Variants in NPIPB15 observed in about 807,000 individuals in gnomAD.
NPIPB15 encodes the protein nuclear pore complex interacting protein family member B15, also known as nuclear pore complex-interacting protein family member B15.
In NPIPB15, 5 loss-of-function variants were observed where a neutral mutation model predicts 35.9. The observed-to-expected ratio is 0.14, with a 90% CI of 0.07 to 0.29. The LOEUF is 0.29. NPIPB15 is among the 10% of genes least tolerant of loss of function. NPIPB15 has a pLI of 1.00. For synonymous variants in NPIPB15, 43 were observed against 182.0 expected (o/e 0.24, Z 6.15); for missense variants, 100 against 506.1 (o/e 0.20, Z 7.70).
At position 74,376,798 on chromosome 16, in the gene NPIPB15, T is replaced by C. The variant is rs1346149437; in HGVS notation, c.-571T>C. Among the ~76,000 whole-genome samples the C allele has an allele frequency of 6.7e-6, 1 of 149,560 alleles. No individual in the cohort carries two copies. Among genetic ancestry groups the C allele is most frequent in the African/African-American group, 2.4e-5 (1 of 40,964 alleles). ...ATTTTATTGCCATGTTATGATCTCA[T>C]CATTGAGTTGAAAGGCAATCTTGTT... On this transcript the variant is annotated 5_prime_UTR_variant, in exon 1 of 8. Coordinates refer to ENST00000692376, the MANE Select transcript of NPIPB15 (RefSeq NM_001306094.2).
intron 3 of NPIPB15, among the ~76,000 whole-genome samples, chr16:74,384,811 A>AGT (rs2012178212): frequency 8.6e-5 from 13 of 151,114 alleles, no homozygotes; most frequent in Non-Finnish European, 1.6e-4. Context: ...CCTCCCGACT[A>AGT]GCTGGGATTA....
At chr16:74,384,991 TTGTGTGTGTGTGTG>T (rs199888896) in intron 3 of NPIPB15, among the ~76,000 whole-genome samples, 221 of 93,472 alleles carry the variant, frequency 2.4e-3, no homozygotes, top group African/African-American at 5.3e-3. Context: ...CATGTCATTC[TTGTGTGTGTGTGTG>T]TGTGTGTGTG....
At chr16:74,377,702 C>A (rs571594293) in intron 1 of NPIPB15, among the ~76,000 whole-genome samples, 84 of 149,120 alleles carry the variant, frequency 5.6e-4, no homozygotes, top group African/African-American at 1.9e-3. Flanking sequence ...TTCCCAGACC[C>A]CTTTCTTCTC....
In NPIPB15 at chr16:74,381,718, G is replaced by A; in HGVS notation, c.249+20G>A. On this transcript the variant is annotated intron_variant, in intron 3 of 7. Transcript: ENST00000692376. The stretch of plus-strand genomic sequence containing the variant: ...CTTTGTGTGAGTATACTAACTTTCT[G>A]TAGAGGTATACTTGTAATCACAAAT... 6.3e-7 allele frequency: 1 copy of A among 1,582,458 alleles called. No individual in the cohort carries two copies. Among genetic ancestry groups the A allele is most frequent in the East Asian group, 2.3e-5 (1 of 44,426 alleles).
Position 74,381,766 on chromosome 16 carries a change from T to A in NPIPB15, c.249+68T>A, listed in dbSNP as rs1197768724. 6 of 1,423,626 alleles carry A rather than the reference T, an allele frequency of 4.2e-6. No homozygotes were observed. In the Admixed American group the frequency reaches 1.0e-4, roughly 24 times the overall value. 88.2% of individuals were successfully genotyped at this position (1,423,626 alleles called of 1,614,324 possible). A position where few individuals can be genotyped will look rare whatever the true frequency, so the allele number is the denominator to read the frequency against. On this transcript the variant is annotated intron_variant, in intron 3 of 7. Transcript: ENST00000692376. ...AATAAGAATAAATTATATAAAACAA[T>A]TCACGTTTCTGGACTTCATTATGAA... is the stretch of plus-strand genomic sequence containing the variant.
chr16:74,379,818 G>T (rs2011886376), intron 2 of NPIPB15, among the ~76,000 whole-genome samples: 1 of 151,906 alleles, frequency 6.6e-6, no homozygotes, highest in Non-Finnish European at 1.5e-5. Context: ...TCAATCTCCT[G>T]ATCTCGTGGT....
intron 3 of NPIPB15, among the ~76,000 whole-genome samples, chr16:74,384,365 CAT>C (rs1276327829): frequency 1.0e-5 from 1 of 95,724 alleles, no homozygotes. Context: ...GAAGTATATT[CAT>C]GTCATTTTTT....
intron 2 of NPIPB15, among the ~76,000 whole-genome samples, chr16:74,378,394 C>A (rs2011794498): frequency 2.2e-5 from 3 of 133,880 alleles, no homozygotes; most frequent in African/African-American, 8.5e-5. Flanking sequence ...AGTGAAATGT[C>A]ATTTGATTTG....
intron 2 of NPIPB15, among the ~76,000 whole-genome samples, chr16:74,381,148 C>CAAAAAAAAAAAAAAAA (rs1166274271): frequency 2.7e-5 from 2 of 74,092 alleles, no homozygotes; most frequent in Non-Finnish European, 5.2e-5. Flanking sequence ...ACTCTGTCTC[C>CAAAAAAAAAAAAAAAA]AAAAAAAAAA....
At chr16:74,378,582 T>G (rs2011809683) in intron 2 of NPIPB15, among the ~76,000 whole-genome samples, 1 of 148,786 alleles carries the variant, frequency 6.7e-6, no homozygotes, top group African/African-American at 2.5e-5. Flanking sequence ...CCTGGCTAAT[T>G]TTTGTATTTT....
At chr16:74,381,148 CAAAAAAAAAAA>C (rs1166274271) in intron 2 of NPIPB15, among the ~76,000 whole-genome samples, 1 of 74,274 alleles carries the variant, frequency 1.3e-5, no homozygotes, top group Non-Finnish European at 2.6e-5. Flanking sequence ...ACTCTGTCTC[CAAAAAAAAAAA>C]AAAAGAGTTT....
intron 5 of NPIPB15, among the ~76,000 whole-genome samples, chr16:74,386,522 G>A (rs2012291978): frequency 8.0e-6 from 1 of 125,038 alleles, no homozygotes; most frequent in African/African-American, 3.1e-5. Context: ...GCAGTGGCAT[G>A]ATCTTGGCTC....
chr16:74,384,808 ACT>A (rs2012177919), intron 3 of NPIPB15, among the ~76,000 whole-genome samples: 13 of 150,726 alleles, frequency 8.6e-5, no homozygotes, highest in Non-Finnish European at 1.6e-4. Context: ...CAGCCTCCCG[ACT>A]AGCTGGGATT....
At chr16:74,391,101 A>G (rs572243099) in intron 7 of NPIPB15, 1 of 949,676 alleles carries the variant, frequency 1.1e-6, no homozygotes, top group African/African-American at 1.8e-5. Flanking sequence ...TTACTCTGTT[A>G]TGACTCTGTC....
At chr16:74,390,469 G>A in intron 7 of NPIPB15, 1 of 259,276 alleles carries the variant, frequency 3.9e-6, no homozygotes, top group Non-Finnish European at 4.6e-6. Flanking sequence ...TTTAAAACTT[G>A]CTTTGTTTAG....
At chr16:74,378,254 G>A (rs1370766224) in intron 2 of NPIPB15, among the ~76,000 whole-genome samples, 26 of 151,742 alleles carry the variant, frequency 1.7e-4, no homozygotes, top group Admixed American at 2.6e-4. Flanking sequence ...CTGGTGGTGC[G>A]TACCTGTTAT....
chr16:74,384,982 A>G (rs2012187696), intron 3 of NPIPB15, among the ~76,000 whole-genome samples: 1 of 118,740 alleles, frequency 8.4e-6, no homozygotes, highest in South Asian at 3.1e-4. Context: ...TGCCAGCCTC[A>G]TGTCATTCTT....
rs1300982554 is a variant in NPIPB15 at position 74,377,320 on chromosome 16, A to T, written c.-49A>T. On this transcript the variant is annotated 5_prime_UTR_variant, in exon 1 of 8. Transcript: ENST00000692376. ...GGAGAGCCCAGAAGCAGGGACAGGGAGCTGGTTGGGGAGGACCAGAAATCA... is the reference window on the plus strand; with the variant it reads ...GGAGAGCCCAGAAGCAGGGACAGGGTGCTGGTTGGGGAGGACCAGAAATCA... Among the ~76,000 whole-genome samples the T allele has an allele frequency of 4.6e-5, 7 of 151,938 alleles. No homozygotes were observed. Among genetic ancestry groups the T allele is most frequent in the Non-Finnish European group, 7.4e-5 (5 of 68,010 alleles).
chr16:74,382,508 G>C (rs2012043001), intron 3 of NPIPB15, among the ~76,000 whole-genome samples: 1 of 152,244 alleles, frequency 6.6e-6, no homozygotes, highest in East Asian at 1.9e-4. Flanking sequence ...CTTGCAACTG[G>C]AAAGAGATCA....
Sources: gnomAD v4.1 joint callset for allele counts (sites outside exome capture counted in the v4.1 genomes callset) on GRCh38, gnomAD v4.1.1 for gene constraint, MANE v1.5 for transcripts, NCBI Gene and HGNC (gene_info 2026-07-23, HGNC 2026-07-21) for gene names.